Variants in TRPM2 observed in about 807,000 individuals in gnomAD.
TRPM2 encodes the protein estrogen-responsive element-associated gene 1 protein.
TRPM2 carries 161 observed loss-of-function variants against 174.0 expected under a neutral mutation model. The observed-to-expected ratio is 0.93, with a 90% CI of 0.81 to 1.05. TRPM2 has a LOEUF of 1.05. TRPM2 is among the 50% of genes least tolerant of loss of function. The pLI is 0.00. For missense variants in TRPM2, 2,057 were observed against 2,038.0 expected (o/e 1.01, Z -0.18); for synonymous variants, 954 against 861.3 (o/e 1.11, Z -1.88).
chr21:44,369,354 C>T lies in TRPM2; in HGVS notation c.771+11C>T. ...CTGATCCATCCCACGGTGAGTGCGG[C>T]CCCCTAGGGAGGGGAGCCTAAGACC... On this transcript the variant is annotated intron_variant, in intron 5 of 31. Transcript: ENST00000397928. 6.3e-7 allele frequency: 1 copy of T among 1,599,788 alleles called. No homozygotes were observed. The highest frequency in any genetic ancestry group is 8.5e-7 in the Non-Finnish European group (1 of 1,170,716).
At chr21:44,405,349 C>G (rs887815556) in intron 17 of TRPM2, 89 bp downstream of exon 17, 2 of 1,567,754 alleles carry the variant, frequency 1.3e-6, no homozygotes, top group Admixed American at 3.6e-5. Context: ...CCAGCCACAC[C>G]GGGTGAGGCT....
At chr21:44,398,824 T>A (rs959516102) in intron 13 of TRPM2, among the ~76,000 whole-genome samples, 1 of 152,222 alleles carries the variant, frequency 6.6e-6, no homozygotes, top group African/African-American at 2.4e-5. Flanking sequence ...GGCCTCTGGC[T>A]GCGTGACTCC....
intron 2 of TRPM2, among the ~76,000 whole-genome samples, chr21:44,357,782 C>T (rs147469746): frequency 8.5e-5 from 13 of 152,302 alleles, no homozygotes; most frequent in African/African-American, 2.2e-4. Flanking sequence ...CCAAAAGCCC[C>T]GTTCCCAGAC....
intron 21 of TRPM2, 37 bp from the exon 22 acceptor site, chr21:44,418,386 A>C: frequency 6.2e-7 from 1 of 1,606,822 alleles, no homozygotes; most frequent in Non-Finnish European, 8.5e-7. Context: ...CCTCCTGAGG[A>C]TTCCAGGTCC....
At chr21:44,360,422 T>C (rs1166786529) in intron 2 of TRPM2, among the ~76,000 whole-genome samples, 1 of 152,122 alleles carries the variant, frequency 6.6e-6, no homozygotes, top group Non-Finnish European at 1.5e-5. Context: ...AACTTTTTAT[T>C]TTGAAATAAT....
Position 44,353,787 on chromosome 21 carries a change from G to A in TRPM2, c.87G>A (p.Met29Ile). 1.2e-6 allele frequency: 2 copies of A among 1,604,408 alleles called. No individual in the cohort carries two copies. The highest frequency in any genetic ancestry group is 1.1e-5 in the South Asian group (1 of 89,572). Residue 29 changes from methionine to isoleucine, a missense_variant, in exon 1 of 32, where the codon ATG (methionine) becomes ATA (isoleucine). Coordinates refer to ENST00000397928, the MANE Select transcript of TRPM2 (RefSeq NM_003307.4). ...GLPRRVTDLGMVSNLRRSNSS... is the reference protein window; with the variant it reads ...GLPRRVTDLGIVSNLRRSNSS... ...CCAGAAGGGTCACTGACCTGGGGAT[G>A]GTCTCCAATCTCCGGCGCAGCAACA...
chr21:44,398,543 G>C (rs534760757), intron 13 of TRPM2, among the ~76,000 whole-genome samples: 7 of 152,224 alleles, frequency 4.6e-5, no homozygotes, highest in African/African-American at 1.7e-4. Context: ...TAGGGGGCCA[G>C]GCAGCGGGGA....
chr21:44,366,966 C>T lies in TRPM2; in HGVS notation c.604+32C>T, dbSNP rs568928112. 66 of 1,545,050 alleles carry T rather than the reference C, an allele frequency of 4.3e-5. No individual in the cohort carries two copies. The highest frequency in any genetic ancestry group is 3.0e-4 in the East Asian group (13 of 43,960). On this transcript the variant is annotated intron_variant, in intron 4 of 31. Transcript: ENST00000397928. The surrounding 1 kb of genome is among the most constrained non-coding windows in gnomAD (Gnocchi z 6.0). Reference sequence around the variant, plus strand: ...CGGAGGCTGGAGGGACACGAGGCCCCGGCGGGTGGGGTGGGCTGTGGAGGC... The same window carrying T: ...CGGAGGCTGGAGGGACACGAGGCCCTGGCGGGTGGGGTGGGCTGTGGAGGC...
In TRPM2 at chr21:44,376,018, G is replaced by A. The variant is rs751360735; in HGVS notation, c.952+5G>A. On this transcript the variant is annotated splice_donor_5th_base_variant and intron_variant, in intron 6 of 31. Transcript: ENST00000397928. This position sits in a 1 kb window ranked among gnomAD's most constrained non-coding sequence, Gnocchi z 4.2. ...AGCAGACCAAGGAAAGAGGAGGTAGGGGAGCTTGCTTTCGAGGGTGATTGG... is the reference window on the plus strand; with the variant it reads ...AGCAGACCAAGGAAAGAGGAGGTAGAGGAGCTTGCTTTCGAGGGTGATTGG... 9 of 1,610,832 alleles carry A rather than the reference G, an allele frequency of 5.6e-6. No homozygotes were observed. The Middle Eastern group carries it at 6.6e-4, about 118-fold the overall frequency.
rs1442711632 is a variant in TRPM2, at chr21:44,401,700, G to A, written c.2341G>A (p.Val781Met). The change falls in exon 16 of 32, where the codon GTG becomes ATG. Residue 781 changes from valine to methionine, a missense_variant. Val to Met is a conservative substitution (Grantham distance 21, BLOSUM62 1). Transcript: ENST00000397928. ...ISFREKRLQD[V>M]GTPAARARAF... The stretch of plus-strand genomic sequence containing the variant: ...CCGCAGGGAGAAGAGGCTGCAGGAT[G>A]TGGGCACCCCCGCGGCCCGCGCCCG... 1.9e-6 allele frequency: 3 copies of A among 1,613,052 alleles called. No homozygotes were observed. Among genetic ancestry groups the A allele is most frequent in the East Asian group, 2.2e-5 (1 of 44,876 alleles).
At position 44,382,710 on chromosome 21, in the gene TRPM2, T is replaced by G. The variant is rs761433846; in HGVS notation, c.1216-8T>G. ...CTGTGTGTCTCACTTAGAAAATGCT[T>G]GTTGCAGATCCAAGATATCGTCCGG... On this transcript the variant is annotated splice_polypyrimidine_tract_variant and splice_region_variant and intron_variant, in intron 8 of 31. Coordinates refer to ENST00000397928, the MANE Select transcript of TRPM2 (RefSeq NM_003307.4). The G allele has an allele frequency of 4.3e-6, 7 of 1,613,388 alleles. No individual in the cohort carries two copies. The African/African-American group carries it at 8.0e-5, about 18-fold the overall frequency.
intron 5 of TRPM2, among the ~76,000 whole-genome samples, chr21:44,375,161 T>C (rs1040211436): frequency 6.6e-6 from 1 of 152,192 alleles, no homozygotes; most frequent in African/African-American, 2.4e-5. Context: ...CCTCCCGCCT[T>C]GGCCTCCCAA....
In TRPM2 at chr21:44,435,165, G is replaced by A. The variant is rs768102132; in HGVS notation, c.4009G>A (p.Gly1337Arg). 29 of 1,613,300 alleles carry A rather than the reference G, an allele frequency of 1.8e-5. No individual in the cohort carries two copies. Among genetic ancestry groups the A allele is most frequent in the African/African-American group, 4.0e-5 (3 of 74,878 alleles). Residue 1337 changes from glycine to arginine, a missense_variant, in exon 28 of 32, where the codon GGG becomes AGG. Coordinates refer to ENST00000397928, the MANE Select transcript of TRPM2 (RefSeq NM_003307.4). ...GGGCCGCACAGGACTGCGTGGGCGC[G>A]GGAGCCTCAGCTGCTTCGGACCCAA... ...PMGRTGLRGR[G>R]SLSCFGPNHT...
intron 9 of TRPM2, among the ~76,000 whole-genome samples, chr21:44,386,355 C>A (rs1314156587): frequency 6.6e-6 from 1 of 152,126 alleles, no homozygotes; most frequent in Non-Finnish European, 1.5e-5. Context: ...TTGCAGTGAG[C>A]TGAGATCATG....
rs991459630 is a variant in TRPM2, at chr21:44,376,385, G to A, written c.952+372G>A. On this transcript the variant is annotated intron_variant, in intron 6 of 31. Coordinates refer to ENST00000397928, the MANE Select transcript of TRPM2 (RefSeq NM_003307.4). The surrounding 1 kb of genome is among the most constrained non-coding windows in gnomAD (Gnocchi z 4.2). ...TGGGGGGCTGGCAGCTCACCTGTGT[G>A]CTCGCAGGTAATGGGCCAACCTACA... 3.3e-5 allele frequency among the ~76,000 whole-genome samples: 5 copies of A among 152,172 alleles called. No homozygotes were observed. Among genetic ancestry groups the A allele is most frequent in the Non-Finnish European group, 5.9e-5 (4 of 68,030 alleles).
At chr21:44,393,826 G>A (rs1461918446) in intron 11 of TRPM2, among the ~76,000 whole-genome samples, 1 of 151,376 alleles carries the variant, frequency 6.6e-6, no homozygotes, top group Non-Finnish European at 1.5e-5. Context: ...ATTGTTCCAG[G>A]TGAGCTCTGT....
intron 5 of TRPM2, 69 bp downstream of exon 5, chr21:44,369,412 G>A: frequency 6.5e-7 from 1 of 1,535,532 alleles, no homozygotes; most frequent in Non-Finnish European, 8.8e-7. Context: ...TGGGCGCTGT[G>A]GGGAGCAGGT....
intron 5 of TRPM2, among the ~76,000 whole-genome samples, chr21:44,373,373 G>A (rs1211317420): frequency 1.3e-5 from 2 of 151,298 alleles, no homozygotes. Context: ...TTTTAGTAGA[G>A]ACAGGGTTTC....
At chr21:44,386,511 A>G (rs888962616) in intron 9 of TRPM2, among the ~76,000 whole-genome samples, 3 of 152,208 alleles carry the variant, frequency 2.0e-5, no homozygotes, top group African/African-American at 7.2e-5. Context: ...AAAAAGAAAA[A>G]AAATACTGAG....
Sources: allele counts gnomAD v4.1 joint callset (sites outside exome capture counted in the v4.1 genomes callset), GRCh38; gene constraint gnomAD v4.1.1; non-coding constraint Gnocchi (gnomAD v3.1); transcripts MANE v1.5; gene names NCBI Gene and HGNC (gene_info 2026-07-23, HGNC 2026-07-21).